Variants in SPMIP7 observed in about 807,000 individuals in gnomAD.
SPMIP7 encodes the protein sperm microtubule inner protein 7.
At chr7:50,096,054 T>C in the SPMIP7 span, 1 of 1,364,800 alleles carries the variant, frequency 7.3e-7, no homozygotes. Context: ...AGAAATACTT[T>C]ATAGTTATCA....
chr7:50,145,616 G>A, the SPMIP7 span, among the ~76,000 whole-genome samples: 13,544 of 25,076 alleles, frequency 0.54, 3,397 homozygotes, highest in Non-Finnish European at 0.59. Flanking sequence ...GTATATGTGT[G>A]TGTATATATA....
the SPMIP7 span, among the ~76,000 whole-genome samples, chr7:50,154,676 C>A: frequency 6.6e-6 from 1 of 152,188 alleles, no homozygotes; most frequent in African/African-American, 2.4e-5. Flanking sequence ...ATGCAATGAA[C>A]ACAGGAATGC....
chr7:50,153,016 G>T, the SPMIP7 span, among the ~76,000 whole-genome samples: 1 of 152,050 alleles, frequency 6.6e-6, no homozygotes, highest in Non-Finnish European at 1.5e-5. Flanking sequence ...CATCAATTCT[G>T]GGCCAGGCAC....
At chr7:50,147,266 A>G in the SPMIP7 span, among the ~76,000 whole-genome samples, 1 of 152,186 alleles carries the variant, frequency 6.6e-6, no homozygotes, top group Non-Finnish European at 1.5e-5. Flanking sequence ...ATTGCAGCCC[A>G]CTGTGAGCTA....
the SPMIP7 span, chr7:50,134,322 A>G: frequency 1.5e-6 from 2 of 1,301,974 alleles, no homozygotes; most frequent in African/African-American, 1.5e-5. Context: ...AGTCAAAATA[A>G]TACTTATTTT....
At chr7:50,136,199 T>C in the SPMIP7 span, 5 of 1,414,120 alleles carry the variant, frequency 3.5e-6, no homozygotes, top group Non-Finnish European at 4.9e-6. Context: ...TCACACTAGG[T>C]TTCTCACTAT....
the SPMIP7 span, among the ~76,000 whole-genome samples, chr7:50,155,964 C>A: frequency 6.6e-6 from 1 of 150,588 alleles, no homozygotes; most frequent in African/African-American, 2.4e-5. Flanking sequence ...TGACACTAAC[C>A]AAAGTGTCAC....
At chr7:50,136,087 AT>A in the SPMIP7 span, 1 of 1,544,950 alleles carries the variant, frequency 6.5e-7, no homozygotes, top group Non-Finnish European at 8.8e-7. Flanking sequence ...GATTTTGACG[AT>A]TATTTTTAGA....
At chr7:50,130,976 T>C in the SPMIP7 span, among the ~76,000 whole-genome samples, 5 of 152,088 alleles carry the variant, frequency 3.3e-5, no homozygotes, top group African/African-American at 7.2e-5. Context: ...CTTTAAGCAA[T>C]TGTAATTTTA....
chr7:50,130,686 G>C, the SPMIP7 span, among the ~76,000 whole-genome samples: 69 of 152,222 alleles, frequency 4.5e-4, no homozygotes, highest in East Asian at 0.01. Flanking sequence ...GTACAGGGTA[G>C]CAGGCTTCAG....
chr7:50,141,174 T>C, the SPMIP7 span: 2 of 675,110 alleles, frequency 3.0e-6, no homozygotes, highest in Non-Finnish European at 5.1e-6. Flanking sequence ...GAGCCTTTGA[T>C]CTACTTTGGC....
chr7:50,144,771 G>T, the SPMIP7 span, among the ~76,000 whole-genome samples: 1 of 152,062 alleles, frequency 6.6e-6, no homozygotes, highest in African/African-American at 2.4e-5. Context: ...GAAATAGAAA[G>T]AATCCAAAAT....
At chr7:50,116,066 G>C in the SPMIP7 span, among the ~76,000 whole-genome samples, 1 of 152,134 alleles carries the variant, frequency 6.6e-6, no homozygotes, top group African/African-American at 2.4e-5. Flanking sequence ...ATATGATTAT[G>C]TATGTAAACA....
chr7:50,124,192 CA>C, the SPMIP7 span, among the ~76,000 whole-genome samples: 1 of 151,960 alleles, frequency 6.6e-6, no homozygotes, highest in Non-Finnish European at 1.5e-5. Context: ...GAAAACCTAA[CA>C]ATCATAAATG....
the SPMIP7 span, among the ~76,000 whole-genome samples, chr7:50,154,426 T>C: frequency 1.3e-5 from 2 of 152,226 alleles, no homozygotes; most frequent in African/African-American, 4.8e-5. Flanking sequence ...ATAACCACTG[T>C]TCTATTCACT....
the SPMIP7 span, chr7:50,096,381 A>T: frequency 1.9e-6 from 3 of 1,552,004 alleles, no homozygotes; most frequent in East Asian, 2.4e-5. Context: ...CCACTTCGGG[A>T]TGATGTGACC....
At chr7:50,141,747 T>TTTTTTTTTA in the SPMIP7 span, 1 of 157,668 alleles carries the variant, frequency 6.3e-6, no homozygotes, top group African/African-American at 2.5e-5. Flanking sequence ...TTTTTTTTTT[T>TTTTTTTTTA]GAGACGGAGT....
chr7:50,145,780 C>T, the SPMIP7 span, among the ~76,000 whole-genome samples: 1 of 150,702 alleles, frequency 6.6e-6, no homozygotes, highest in African/African-American at 2.4e-5. Flanking sequence ...CAGAGCAGCA[C>T]AGCCCATGCC....
At chr7:50,127,044 A>T in the SPMIP7 span, among the ~76,000 whole-genome samples, 5 of 152,224 alleles carry the variant, frequency 3.3e-5, 1 homozygote, top group African/African-American at 1.2e-4. Context: ...GCATGGTACT[A>T]GCATAAAAAC....
Sources: gnomAD v4.1 joint callset for allele counts (sites outside exome capture counted in the v4.1 genomes callset) on GRCh38, gnomAD v4.1.1 for gene constraint, MANE v1.5 for transcripts, NCBI Gene and HGNC (gene_info 2026-07-23, HGNC 2026-07-21) for gene names.